The following FKBP9 variants were observed in gnomAD, a reference collection of about 807,000 sequenced individuals.
The protein encoded by FKBP9 is peptidyl-prolyl cis-trans isomerase FKBP9.
In FKBP9, 27 loss-of-function variants were observed where a neutral mutation model predicts 55.6. The ratio of observed to expected loss-of-function variants is 0.49; its 90% CI spans 0.36 to 0.67. The LOEUF (loss-of-function observed/expected upper bound fraction) is 0.67, where lower values mean the gene tolerates loss of function less well. Ranked by LOEUF, FKBP9 falls within the 30% of genes least tolerant of loss-of-function variation. The pLI, the probability that FKBP9 is intolerant of heterozygous loss-of-function variation, is 0.00. For synonymous variants in FKBP9, 267 were observed against 296.5 expected (o/e 0.90, Z 1.02); for missense variants, 539 against 742.8 (o/e 0.73, Z 3.19).
At chr7:32,965,812 A>AAAAAATATAT (rs1554284289) in intron 1 of FKBP9, among the ~76,000 whole-genome samples, 1 of 34,942 alleles carries the variant, frequency 2.9e-5, no homozygotes, top group African/African-American at 1.2e-4. Context: ...AAAAAAAAAA[A>AAAAAATATAT]ATATATATAT....
At chr7:32,990,074 C>T (rs939253636) in intron 6 of FKBP9, among the ~76,000 whole-genome samples, 3 of 152,044 alleles carry the variant, frequency 2.0e-5, no homozygotes, top group Non-Finnish European at 4.4e-5. Flanking sequence ...TCAAGCAATC[C>T]TCCCACCTTG....
intron 5 of FKBP9, among the ~76,000 whole-genome samples, chr7:32,986,467 G>A (rs2953575): frequency 1.3e-5 from 2 of 152,196 alleles, no homozygotes. Flanking sequence ...CTGGCTGAAG[G>A]ATGCTGGGAG....
Position 33,006,448 on chromosome 7 carries a change from A to G in FKBP9, c.*1097A>G, listed in dbSNP as rs796212838. 3.9e-5 allele frequency: 8 copies of G among 203,258 alleles called. No individual in the cohort carries two copies. The highest frequency in any genetic ancestry group is 1.6e-4 in the African/African-American group (7 of 43,672). The allele number at this position is 203,258 out of a possible 1,614,324, so 12.6% of individuals were successfully genotyped here. Reference sequence around the variant, plus strand: ...TTTCTTATTCCCACCTTTCTATCCCATAGAACACTCTTTTTTATCTTCCCT... The same window carrying G: ...TTTCTTATTCCCACCTTTCTATCCCGTAGAACACTCTTTTTTATCTTCCCT... On this transcript the variant is annotated 3_prime_UTR_variant, in exon 10 of 10. Coordinates refer to ENST00000242209, the MANE Select transcript of FKBP9 (RefSeq NM_007270.5).
chr7:32,965,882 T>TACAC (rs1349623304), intron 1 of FKBP9, among the ~76,000 whole-genome samples: 24 of 107,742 alleles, frequency 2.2e-4, no homozygotes, highest in African/African-American at 4.9e-4. Context: ...CATATATATA[T>TACAC]ATAGAGAGAG....
At chr7:32,998,196 TGTA>T (rs1309668378) in intron 7 of FKBP9, among the ~76,000 whole-genome samples, 2 of 152,066 alleles carry the variant, frequency 1.3e-5, no homozygotes, top group Admixed American at 6.6e-5. Flanking sequence ...GGGCATGGCT[TGTA>T]GTGCTTTTGT....
intron 1 of FKBP9, among the ~76,000 whole-genome samples, chr7:32,958,813 G>T (rs980413095): frequency 6.6e-6 from 1 of 152,116 alleles, no homozygotes; most frequent in East Asian, 1.9e-4. Flanking sequence ...TCCAGTTTAG[G>T]TTCGGGGTTA....
chr7:32,997,663 A>G (rs1418039231), intron 7 of FKBP9, among the ~76,000 whole-genome samples: 3 of 152,204 alleles, frequency 2.0e-5, no homozygotes, highest in Admixed American at 6.5e-5. Context: ...CCCCATCTCT[A>G]CTAAAAATAC....
At chr7:32,998,376 C>T (rs1375791719) in intron 7 of FKBP9, among the ~76,000 whole-genome samples, 2 of 152,084 alleles carry the variant, frequency 1.3e-5, no homozygotes, top group African/African-American at 2.4e-5. Context: ...AATTCCTTCT[C>T]GGAGGCTCCA....
chr7:32,996,826 C>A lies in FKBP9; in HGVS notation c.1226+477C>A, dbSNP rs1476843275. Among the ~76,000 whole-genome samples, 8 of 102,602 alleles carry A rather than the reference C, an allele frequency of 7.8e-5. No homozygotes were observed. The South Asian group carries it at 2.6e-3, about 33-fold the overall frequency. The allele number at this position is 102,602 out of a possible 152,430, so 67.3% of individuals were successfully genotyped here. On this transcript the variant is annotated intron_variant, in intron 7 of 9. Coordinates refer to ENST00000242209, the MANE Select transcript of FKBP9 (RefSeq NM_007270.5). Reference sequence around the variant, plus strand: ...TTTTTGAGACGGAGTCTCGCTCTGTCGCCCAGGCCGGACTGCGGACTGCAG... The same window carrying A: ...TTTTTGAGACGGAGTCTCGCTCTGTAGCCCAGGCCGGACTGCGGACTGCAG...
intron 9 of FKBP9, 37 bp downstream of exon 9, chr7:33,002,876 G>A (rs111334777): frequency 6.2e-7 from 1 of 1,600,434 alleles, no homozygotes; most frequent in African/African-American, 1.3e-5. Flanking sequence ...TGGGACCGAA[G>A]AGCTCAGGGA....
chr7:32,962,614 C>G (rs1173247053), intron 1 of FKBP9, among the ~76,000 whole-genome samples: 2 of 151,870 alleles, frequency 1.3e-5, no homozygotes, highest in Admixed American at 1.3e-4. Context: ...GCTGGGATTA[C>G]AGGTGTGCAA....
At chr7:32,996,812 G>C (rs1784807842) in intron 7 of FKBP9, among the ~76,000 whole-genome samples, 1 of 78,292 alleles carries the variant, frequency 1.3e-5, no homozygotes, top group South Asian at 5.0e-4. Context: ...TTTTGAGACG[G>C]AGTCTCGCTC....
chr7:32,965,824 T>TATATGTGTACAC (rs1554284302), intron 1 of FKBP9, among the ~76,000 whole-genome samples: 316 of 18,192 alleles, frequency 0.017, 20 homozygotes, highest in African/African-American at 0.066. Flanking sequence ...TATATATATA[T>TATATGTGTACAC]ATATATATAT....
chr7:32,993,288 T>C (rs937241729), intron 6 of FKBP9, among the ~76,000 whole-genome samples: 1 of 152,154 alleles, frequency 6.6e-6, no homozygotes, highest in African/African-American at 2.4e-5. Flanking sequence ...TTCACAATGT[T>C]GTATAACCAT....
chr7:32,957,858 T>C (rs1783932922), intron 1 of FKBP9, 64 bp downstream of exon 1: 6 of 1,239,610 alleles, frequency 4.8e-6, no homozygotes, highest in African/African-American at 3.2e-5. Context: ...CGGACAGGCC[T>C]TTCCCTCCTG....
chr7:32,977,890 TACACTCATATATATATACTC>T (rs1784396499), intron 4 of FKBP9, among the ~76,000 whole-genome samples: 2 of 139,340 alleles, frequency 1.4e-5, no homozygotes, highest in East Asian at 4.4e-4. Context: ...TATGTATATA[TACACTCATATATATATACTC>T]ATATATATAT....
chr7:32,976,834 C>T (rs540543842), intron 4 of FKBP9, among the ~76,000 whole-genome samples: 1 of 152,156 alleles, frequency 6.6e-6, no homozygotes, highest in Non-Finnish European at 1.5e-5. Flanking sequence ...GATTGAGTTG[C>T]AGAAATTTCC....
intron 3 of FKBP9, 43 bp from the exon 4 acceptor site, chr7:32,976,311 T>C (rs1204300841): frequency 6.2e-7 from 1 of 1,613,208 alleles, no homozygotes; most frequent in Non-Finnish European, 8.5e-7. Flanking sequence ...GTTGGAAATA[T>C]CCTCATGGTG....
intron 1 of FKBP9, among the ~76,000 whole-genome samples, chr7:32,965,047 G>T (rs1162447643): frequency 6.6e-6 from 1 of 152,214 alleles, no homozygotes; most frequent in Non-Finnish European, 1.5e-5. Flanking sequence ...CAACTTTGAG[G>T]CCCCCAAAGG....
Sources: allele counts gnomAD v4.1 joint callset (sites outside exome capture counted in the v4.1 genomes callset), GRCh38; gene constraint gnomAD v4.1.1; transcripts MANE v1.5; gene names NCBI Gene and HGNC (gene_info 2026-07-23, HGNC 2026-07-21).